The following RAP1B variants were observed in gnomAD, a reference collection of about 807,000 sequenced individuals.
RAP1B encodes ras-related protein Rap-1b.
In RAP1B, 1 loss-of-function variant was observed where a neutral mutation model predicts 27.5. The ratio of observed to expected loss-of-function variants is 0.04; its 90% CI spans 0.01 to 0.17. The LOEUF (loss-of-function observed/expected upper bound fraction) is 0.17. RAP1B is among the 10% of genes least tolerant of loss of function. RAP1B has a pLI of 1.00. For missense variants in RAP1B, 84 were observed against 214.8 expected, an observed-to-expected ratio of 0.39 and a Z score of 3.81; for synonymous variants, 75 against 73.1, an observed-to-expected ratio of 1.03 and a Z score of -0.13.
rs1874935324 is a variant in RAP1B at position 68,668,338 on chromosome 12, CTATTA to C, written c.*9092_*9096del. 6.6e-6 allele frequency: 1 copy of C among 151,678 alleles called. No homozygotes were observed. Among genetic ancestry groups the C allele is most frequent in the African/African-American group, 2.4e-5 (1 of 41,252 alleles). The allele number at this position is 151,678 out of a possible 1,614,324, so 9.4% of individuals were successfully genotyped here. On this transcript the variant is annotated 3_prime_UTR_variant, in exon 8 of 8. Coordinates refer to ENST00000250559, the MANE Select transcript of RAP1B (RefSeq NM_001010942.3). ...TTGCACAGTGTTGATCTCCCTAAGA[CTATTA>C]TAATAAGGAAGGGGTTTTTTTCTTA...
chr12:68,617,886 C>T (rs1329663738), intron 1 of RAP1B, among the ~76,000 whole-genome samples: 1 of 151,996 alleles, frequency 6.6e-6, no homozygotes, highest in Non-Finnish European at 1.5e-5. Context: ...GCCTCAGCTC[C>T]CCAAGTAGCT....
At chr12:68,657,294 G>A (rs1328339853) in intron 7 of RAP1B, 77 bp downstream of exon 7, 1 of 867,366 alleles carries the variant, frequency 1.2e-6, no homozygotes, top group Non-Finnish European at 1.8e-6. Context: ...AGCAAGTATA[G>A]ACTTCTTTTT....
chr12:68,616,651 C>G (rs1156428545), intron 1 of RAP1B, among the ~76,000 whole-genome samples: 2 of 151,800 alleles, frequency 1.3e-5, no homozygotes, highest in Non-Finnish European at 2.9e-5. Flanking sequence ...TCAGGCTGGT[C>G]TCGAATTCCT....
chr12:68,649,033 C>T lies in RAP1B; in HGVS notation c.57+252C>T, dbSNP rs531715883. On this transcript the variant is annotated intron_variant, in intron 2 of 7. Coordinates refer to ENST00000250559, the MANE Select transcript of RAP1B (RefSeq NM_001010942.3). ...TTGAGCTAAGCACAGAGATTGAGAG[C>T]GTACAAATACATGTCTTTTTGCATT... 710 of 386,322 alleles carry T rather than the reference C, an allele frequency of 1.8e-3. 6 individuals are homozygous for T. The highest frequency in any genetic ancestry group is 2.9e-3 in the South Asian group (45 of 15,394). 23.9% of individuals were successfully genotyped at this position (386,322 alleles called of 1,614,324 possible).
At chr12:68,651,393 C>A (rs1873805847) in intron 3 of RAP1B, among the ~76,000 whole-genome samples, 1 of 151,880 alleles carries the variant, frequency 6.6e-6, no homozygotes, top group African/African-American at 2.4e-5. Context: ...AAAAAAAAAA[C>A]TGGAAACTTT....
At chr12:68,618,278 C>CG (rs1871163587) in intron 1 of RAP1B, among the ~76,000 whole-genome samples, 3 of 151,418 alleles carry the variant, frequency 2.0e-5, no homozygotes, top group Non-Finnish European at 2.9e-5. Flanking sequence ...TTCTTAGAGA[C>CG]GGGGCTTCAC....
intron 7 of RAP1B, chr12:68,657,465 C>T (rs747339195): frequency 4.6e-5 from 11 of 238,118 alleles, no homozygotes; most frequent in South Asian, 1.6e-4. Flanking sequence ...AGTGCAGTGG[C>T]GCAATATCAG....
At chr12:68,639,140 T>C (rs1016699342) in intron 1 of RAP1B, among the ~76,000 whole-genome samples, 3 of 152,312 alleles carry the variant, frequency 2.0e-5, no homozygotes, top group East Asian at 3.9e-4. Flanking sequence ...GTTTATACAA[T>C]ATTCATAATT....
At chr12:68,640,635 T>C (rs1872931164) in intron 1 of RAP1B, among the ~76,000 whole-genome samples, 1 of 152,220 alleles carries the variant, frequency 6.6e-6, no homozygotes. Context: ...GAATTTTCTT[T>C]TTAATACATA....
rs572421770 is a variant in RAP1B, at chr12:68,656,867, T to TA, written c.469-232dup. Among the ~76,000 whole-genome samples, 240 of 152,336 alleles carry TA rather than the reference T, an allele frequency of 1.6e-3. 1 individual carries two copies. Among genetic ancestry groups the TA allele is most frequent in the African/African-American group, 5.3e-3 (220 of 41,576 alleles). ...GTGATGGTAAATGTTCTAATTGAAC[T>TA]AAGTTAAGATCTCTGCAGCTCCTTC... is the stretch of plus-strand genomic sequence containing the variant. On this transcript the variant is annotated intron_variant, in intron 6 of 7. Transcript: ENST00000250559.
intron 1 of RAP1B, chr12:68,624,773 C>G (rs1411546010): frequency 6.6e-6 from 1 of 152,442 alleles, no homozygotes; most frequent in Admixed American, 6.5e-5. Flanking sequence ...TGAGATCGTG[C>G]CACTGCACTC....
At chr12:68,658,669 TAATAG>T (rs61555821) in intron 7 of RAP1B, among the ~76,000 whole-genome samples, 12,195 of 152,284 alleles carry the variant, frequency 0.08, 685 homozygotes, top group Non-Finnish European at 0.12. Flanking sequence ...ACATCAGTCT[TAATAG>T]AATGTTTAAA....
intron 1 of RAP1B, chr12:68,624,944 T>A (rs1289109630): frequency 1.3e-5 from 2 of 152,264 alleles, no homozygotes; most frequent in Non-Finnish European, 2.9e-5. Flanking sequence ...TTTCCATGTG[T>A]TCTTCAGATG....
rs201470977 is a variant in RAP1B at position 68,654,356 on chromosome 12, G to GT, written c.324+104_324+105insT. The GT allele has an allele frequency of 2.6e-4, 119 of 453,058 alleles. 21 individuals carry two copies. The highest frequency in any genetic ancestry group is 3.5e-4 in the Non-Finnish European group (103 of 297,898). 28.1% of individuals were successfully genotyped at this position (453,058 alleles called of 1,614,324 possible). A position where few individuals can be genotyped will look rare whatever the true frequency, so the allele number is the denominator to read the frequency against. On this transcript the variant is annotated intron_variant, in intron 5 of 7. Coordinates refer to ENST00000250559, the MANE Select transcript of RAP1B (RefSeq NM_001010942.3). ...TAAAGCTTGTGTATTTTGGTTGGGG[G>GT]GGGGGTGTTGGTTTTTTTAAACTTT...
intron 4 of RAP1B, 31 bp downstream of exon 4, chr12:68,652,082 A>G (rs1592464131): frequency 6.6e-7 from 1 of 1,516,516 alleles, no homozygotes; most frequent in South Asian, 1.1e-5. Flanking sequence ...AAGTATATAC[A>G]CCGTTTGTAC....
intron 1 of RAP1B, among the ~76,000 whole-genome samples, chr12:68,623,078 AG>A (rs2135921610): frequency 6.6e-6 from 1 of 152,362 alleles, no homozygotes; most frequent in Non-Finnish European, 1.5e-5. Context: ...CTGTCTCTTG[AG>A]GACTATTTGA....
intron 1 of RAP1B, among the ~76,000 whole-genome samples, chr12:68,622,447 T>A (rs1279325376): frequency 1.3e-5 from 2 of 152,230 alleles, no homozygotes; most frequent in African/African-American, 4.8e-5. Flanking sequence ...ATCCAGTTCT[T>A]GCTTACTTCA....
At chr12:68,633,050 AAGTT>A (rs1307034731) in intron 1 of RAP1B, among the ~76,000 whole-genome samples, 5 of 152,338 alleles carry the variant, frequency 3.3e-5, no homozygotes, top group South Asian at 4.2e-4. Context: ...GAAGCTCACT[AAGTT>A]AGAAAGGTTT....
At chr12:68,613,332 A>C (rs1592412567) in intron 1 of RAP1B, among the ~76,000 whole-genome samples, 1 of 149,016 alleles carries the variant, frequency 6.7e-6, no homozygotes, top group South Asian at 2.2e-4. Context: ...CGGAGGGTGC[A>C]GTGAGCCGAG....
Sources: allele counts gnomAD v4.1 joint callset (sites outside exome capture counted in the v4.1 genomes callset), GRCh38; gene constraint gnomAD v4.1.1; transcripts MANE v1.5; gene names NCBI Gene and HGNC (gene_info 2026-07-23, HGNC 2026-07-21).